The following SLC25A13 variants were observed in gnomAD, a reference collection of about 807,000 sequenced individuals.
The protein encoded by SLC25A13 is electrogenic aspartate/glutamate antiporter SLC25A13, mitochondrial.
A neutral mutation model predicts 85.5 loss-of-function variants in SLC25A13; 70 were observed. The ratio of observed to expected loss-of-function variants is 0.82; its 90% CI spans 0.68 to 1.00. The LOEUF (loss-of-function observed/expected upper bound fraction) is 1.00, where lower values mean the gene tolerates loss of function less well. SLC25A13 is among the 50% of genes least tolerant of loss of function. The pLI is 0.00. For synonymous variants in SLC25A13, 259 were observed against 288.7 expected (o/e 0.90, Z 1.04); for missense variants, 765 against 819.8 (o/e 0.93, Z 0.82).
intron 3 of SLC25A13, among the ~76,000 whole-genome samples, chr7:96,269,850 G>C (rs942143203): frequency 6.6e-6 from 1 of 152,164 alleles, no homozygotes; most frequent in Non-Finnish European, 1.5e-5. Context: ...AGTGAAATAA[G>C]CCAGGCACAG....
chr7:96,293,000 A>G (rs1207181457), intron 2 of SLC25A13, among the ~76,000 whole-genome samples: 1 of 152,210 alleles, frequency 6.6e-6, no homozygotes, highest in African/African-American at 2.4e-5. Context: ...GAACAAAGCC[A>G]GAGGCGTCAC....
intron 13 of SLC25A13, among the ~76,000 whole-genome samples, chr7:96,156,578 A>G (rs555476231): frequency 9.2e-5 from 14 of 152,132 alleles, no homozygotes; most frequent in African/African-American, 3.1e-4. Flanking sequence ...CAGCCTCCCA[A>G]GTAGCTGGGA....
chr7:96,215,523 A>G (rs1795862102), intron 4 of SLC25A13, among the ~76,000 whole-genome samples: 1 of 152,166 alleles, frequency 6.6e-6, no homozygotes, highest in Admixed American at 6.5e-5. Flanking sequence ...TTTATAGTCA[A>G]TTGATTTCCA....
At chr7:96,126,668 G>C (rs1791740747) in intron 15 of SLC25A13, among the ~76,000 whole-genome samples, 1 of 152,100 alleles carries the variant, frequency 6.6e-6, no homozygotes, top group South Asian at 2.1e-4. Flanking sequence ...TTTGGACTGG[G>C]GCATCTCTCA....
At chr7:96,233,063 C>A (rs539652931) in intron 4 of SLC25A13, among the ~76,000 whole-genome samples, 6 of 152,186 alleles carry the variant, frequency 3.9e-5, no homozygotes, top group Non-Finnish European at 7.3e-5. Flanking sequence ...CCACTTCACA[C>A]GCATGAAGGG....
intron 3 of SLC25A13, among the ~76,000 whole-genome samples, chr7:96,270,367 C>A (rs1045613039): frequency 6.6e-6 from 1 of 152,062 alleles, no homozygotes; most frequent in Admixed American, 6.6e-5. Flanking sequence ...ACCAGCCTGG[C>A]CAACATGGTA....
intron 3 of SLC25A13, among the ~76,000 whole-genome samples, chr7:96,252,098 T>A (rs1797451805): frequency 6.6e-6 from 1 of 152,226 alleles, no homozygotes; most frequent in Admixed American, 6.5e-5. Context: ...TGAATCTTTT[T>A]TTATTTGGGG....
chr7:96,259,748 C>T (rs1797775738), intron 3 of SLC25A13, among the ~76,000 whole-genome samples: 1 of 152,166 alleles, frequency 6.6e-6, no homozygotes, highest in Non-Finnish European at 1.5e-5. Context: ...TATAAAAACA[C>T]ATGCACACGT....
intron 15 of SLC25A13, among the ~76,000 whole-genome samples, chr7:96,125,151 C>T (rs996269141): frequency 2.0e-5 from 3 of 152,206 alleles, no homozygotes; most frequent in Middle Eastern, 3.4e-3. Context: ...GGGCTGCGCA[C>T]GATCTTGGCT....
At chr7:96,229,728 C>G (rs1424930458) in intron 4 of SLC25A13, among the ~76,000 whole-genome samples, 1 of 152,124 alleles carries the variant, frequency 6.6e-6, no homozygotes, top group Non-Finnish European at 1.5e-5. Flanking sequence ...GTAACACTCA[C>G]AGCGAAAGTC....
At chr7:96,296,066 G>T (rs1799334520) in intron 2 of SLC25A13, among the ~76,000 whole-genome samples, 2 of 151,564 alleles carry the variant, frequency 1.3e-5, no homozygotes, top group African/African-American at 4.9e-5. Context: ...AATATAAGAT[G>T]CCAGTATAAG....
chr7:96,274,405 T>C (rs1798365241), intron 3 of SLC25A13, among the ~76,000 whole-genome samples: 1 of 152,206 alleles, frequency 6.6e-6, no homozygotes. Flanking sequence ...ATTCTGGATA[T>C]TAGCCCTTTG....
At chr7:96,310,378 C>A (rs981141905) in intron 1 of SLC25A13, among the ~76,000 whole-genome samples, 1 of 152,124 alleles carries the variant, frequency 6.6e-6, no homozygotes, top group East Asian at 1.9e-4. Flanking sequence ...TGTTTCCTCA[C>A]GATTAGATCC....
intron 2 of SLC25A13, among the ~76,000 whole-genome samples, chr7:96,292,810 C>T (rs1346367659): frequency 3.3e-5 from 5 of 152,184 alleles, no homozygotes; most frequent in African/African-American, 1.2e-4. Context: ...ACATTCCATG[C>T]TCATGGATAG....
chr7:96,160,336 G>A (rs972688629), intron 13 of SLC25A13, among the ~76,000 whole-genome samples: 1 of 152,210 alleles, frequency 6.6e-6, no homozygotes, highest in Admixed American at 6.5e-5. Flanking sequence ...CCTCTAATAA[G>A]ATGACATTTC....
At chr7:96,321,766 T>A (rs1205851161) in intron 1 of SLC25A13, among the ~76,000 whole-genome samples, 176 bp downstream of exon 1, 1 of 152,202 alleles carries the variant, frequency 6.6e-6, no homozygotes, top group Non-Finnish European at 1.5e-5. Context: ...ACCGACCGCC[T>A]GTGCTGCCCG....
chr7:96,183,107 C>T (rs1371564308), intron 11 of SLC25A13, among the ~76,000 whole-genome samples: 1 of 152,118 alleles, frequency 6.6e-6, no homozygotes, highest in Non-Finnish European at 1.5e-5. Context: ...CATCAATCAC[C>T]TGAGGTCAAA....
chr7:96,124,000 C>T (rs1177585330), intron 15 of SLC25A13, among the ~76,000 whole-genome samples: 2 of 152,164 alleles, frequency 1.3e-5, no homozygotes, highest in African/African-American at 4.8e-5. Flanking sequence ...GGTCCCTCAG[C>T]AGGAAAGGGA....
At chr7:96,233,173 A>G (rs1228866328) in intron 4 of SLC25A13, among the ~76,000 whole-genome samples, 1 of 152,172 alleles carries the variant, frequency 6.6e-6, no homozygotes, top group Non-Finnish European at 1.5e-5. Flanking sequence ...CTTGCTGGGG[A>G]AAGTAGGAGG....
Sources: gnomAD v4.1 joint callset for allele counts (sites outside exome capture counted in the v4.1 genomes callset) on GRCh38, gnomAD v4.1.1 for gene constraint, MANE v1.5 for transcripts, NCBI Gene and HGNC (gene_info 2026-07-23, HGNC 2026-07-21) for gene names.